Variants in PIP5K1B observed in about 807,000 individuals in gnomAD.
PIP5K1B encodes phosphatidylinositol 4-phosphate 5-kinase type-1 beta.
A neutral mutation model predicts 67.0 loss-of-function variants in PIP5K1B; 42 were observed. The observed-to-expected ratio is 0.63, with a 90% CI of 0.49 to 0.81. The LOEUF is 0.81. Among genes scored for constraint, PIP5K1B ranks in the 30% least tolerant of loss-of-function variants. The pLI is 0.00. For missense variants in PIP5K1B, 459 were observed against 646.3 expected (o/e 0.71, Z 3.14); for synonymous variants, 214 against 231.4 (o/e 0.92, Z 0.68).
intron 14 of PIP5K1B, among the ~76,000 whole-genome samples, chr9:68,977,845 G>A (rs1367446334): frequency 6.6e-6 from 1 of 151,726 alleles, no homozygotes; most frequent in South Asian, 2.1e-4. Flanking sequence ...TAGTAGAGAT[G>A]TGGTTTCACC....
At position 68,931,586 on chromosome 9, in the gene PIP5K1B, G is replaced by T. The variant is rs965275948; in HGVS notation, c.1202-3304G>T. ...CCAAAAGAGAGCTCACAGAGAAAAA[G>T]ATATTTCAACTAAATCCTGAAAATG... On this transcript the variant is annotated intron_variant, in intron 12 of 15. Coordinates refer to ENST00000265382, the MANE Select transcript of PIP5K1B (RefSeq NM_003558.4). Among the ~76,000 whole-genome samples, 3 of 152,252 alleles carry T rather than the reference G, an allele frequency of 2.0e-5. No homozygotes were observed. The East Asian group carries it at 5.8e-4, about 29-fold the overall frequency.
intron 2 of PIP5K1B, among the ~76,000 whole-genome samples, chr9:68,745,130 G>A (rs577344884): frequency 4.6e-5 from 7 of 152,294 alleles, no homozygotes; most frequent in African/African-American, 1.7e-4. Flanking sequence ...TCCCAAACAA[G>A]GTCACAGTGC....
intron 6 of PIP5K1B, among the ~76,000 whole-genome samples, chr9:68,877,535 A>G (rs1490777927): frequency 6.6e-6 from 1 of 152,236 alleles, no homozygotes; most frequent in African/African-American, 2.4e-5. Context: ...GAAGAATGCC[A>G]TCAAATATTT....
chr9:68,710,936 A>G (rs1356130713), intron 1 of PIP5K1B, among the ~76,000 whole-genome samples: 2 of 152,194 alleles, frequency 1.3e-5, no homozygotes, highest in Non-Finnish European at 1.5e-5. Flanking sequence ...AGGGTTTGGT[A>G]TTGCTCCTGG....
chr9:68,977,682 T>C (rs544563521), intron 14 of PIP5K1B, among the ~76,000 whole-genome samples: 25 of 149,296 alleles, frequency 1.7e-4, no homozygotes, highest in African/African-American at 4.7e-4. Context: ...CGAGACGGAG[T>C]CTCGCTCTGT....
intron 2 of PIP5K1B, among the ~76,000 whole-genome samples, chr9:68,790,046 A>G: frequency 6.6e-6 from 1 of 152,190 alleles, no homozygotes; most frequent in East Asian, 1.9e-4. Flanking sequence ...TAGGGAAACA[A>G]AGACAACCAG....
intron 2 of PIP5K1B, among the ~76,000 whole-genome samples, chr9:68,771,690 A>G (rs546708540): frequency 6.6e-6 from 1 of 152,360 alleles, no homozygotes; most frequent in East Asian, 1.9e-4. Context: ...AATGATAATG[A>G]TAAGACAGCC....
At chr9:68,940,525 A>G in intron 13 of PIP5K1B, 121 bp from the exon 14 acceptor site, 1 of 901,182 alleles carries the variant, frequency 1.1e-6, no homozygotes, top group South Asian at 2.0e-5. Context: ...CAGTTAATTC[A>G]TAATTGAATT....
intron 2 of PIP5K1B, among the ~76,000 whole-genome samples, chr9:68,761,874 A>G (rs987356789): frequency 2.0e-5 from 3 of 152,140 alleles, no homozygotes; most frequent in Non-Finnish European, 4.4e-5. Flanking sequence ...GACTATAGTC[A>G]CAGTTTCCAG....
At chr9:68,826,054 G>A (rs763624796) in intron 4 of PIP5K1B, among the ~76,000 whole-genome samples, 6 of 152,138 alleles carry the variant, frequency 3.9e-5, no homozygotes, top group Non-Finnish European at 7.3e-5. Flanking sequence ...TGGCAAGCCC[G>A]GGAAGAACAG....
At chr9:68,784,032 T>C (rs1831463478) in intron 2 of PIP5K1B, 1 of 166,990 alleles carries the variant, frequency 6.0e-6, no homozygotes, top group Non-Finnish European at 1.5e-5. Context: ...AAATACATCA[T>C]GTTCTCTCCT....
chr9:68,806,949 T>G (rs1448776783), intron 2 of PIP5K1B, among the ~76,000 whole-genome samples: 1 of 152,042 alleles, frequency 6.6e-6, no homozygotes, highest in Non-Finnish European at 1.5e-5. Context: ...TTGGTTTTTT[T>G]TTTTTTTTTT....
chr9:68,905,070 C>T (rs956690610), intron 8 of PIP5K1B, among the ~76,000 whole-genome samples: 7 of 152,008 alleles, frequency 4.6e-5, no homozygotes, highest in African/African-American at 1.7e-4. Context: ...CTTAGAGTTT[C>T]TGGCTTTTTT....
At chr9:68,926,354 A>G (rs1216773422) in intron 12 of PIP5K1B, among the ~76,000 whole-genome samples, 1 of 152,092 alleles carries the variant, frequency 6.6e-6, no homozygotes, top group Admixed American at 6.5e-5. Flanking sequence ...TCCGGTTTGG[A>G]TAATTTTTCA....
chr9:68,925,693 T>A (rs766314934), intron 12 of PIP5K1B, among the ~76,000 whole-genome samples: 6 of 151,974 alleles, frequency 3.9e-5, no homozygotes, highest in Admixed American at 1.3e-4. Flanking sequence ...CAAATTGACA[T>A]CACCGTAAAT....
chr9:68,985,805 T>C (rs1285085413), intron 14 of PIP5K1B, among the ~76,000 whole-genome samples: 2 of 152,234 alleles, frequency 1.3e-5, no homozygotes, highest in Non-Finnish European at 2.9e-5. Flanking sequence ...ATGAGTCTGC[T>C]TTTCTGTCTC....
At chr9:68,870,404 C>A (rs1235546628) in intron 5 of PIP5K1B, among the ~76,000 whole-genome samples, 3 of 152,168 alleles carry the variant, frequency 2.0e-5, no homozygotes, top group African/African-American at 7.2e-5. Context: ...AGGAGGTTGG[C>A]ACCAGCAAGG....
intron 14 of PIP5K1B, among the ~76,000 whole-genome samples, chr9:68,953,540 G>A (rs1356371938): frequency 6.6e-6 from 1 of 152,020 alleles, no homozygotes; most frequent in Non-Finnish European, 1.5e-5. Context: ...TAGAGGCCAG[G>A]TGTGGTGGTT....
At chr9:68,932,942 A>C (rs1454103662) in intron 12 of PIP5K1B, among the ~76,000 whole-genome samples, 1 of 152,078 alleles carries the variant, frequency 6.6e-6, no homozygotes, top group Non-Finnish European at 1.5e-5. Context: ...CTCTACTAAA[A>C]ATACAAAATT....
Sources: allele counts gnomAD v4.1 joint callset (sites outside exome capture counted in the v4.1 genomes callset), GRCh38; gene constraint gnomAD v4.1.1; transcripts MANE v1.5; gene names NCBI Gene and HGNC (gene_info 2026-07-23, HGNC 2026-07-21).